Variants in ARHGAP29 observed in about 807,000 individuals in gnomAD.
The protein encoded by ARHGAP29 is rho GTPase-activating protein 29.
ARHGAP29 carries 43 observed loss-of-function variants against 122.6 expected under a neutral mutation model. The observed-to-expected ratio is 0.35, with a 90% CI of 0.27 to 0.45. The LOEUF is 0.45. ARHGAP29 is among the 20% of genes least tolerant of loss of function. The probability of loss-of-function intolerance (pLI) is 1.00; values close to 1 mark genes in which losing one functional copy is unlikely to be tolerated. For missense variants in ARHGAP29, 1,303 were observed against 1,477.2 expected (o/e 0.88, Z 1.93); for synonymous variants, 506 against 497.1 (o/e 1.02, Z -0.24).
the ARHGAP29 span, among the ~76,000 whole-genome samples, chr1:94,290,235 A>G: frequency 6.6e-6 from 1 of 152,120 alleles, no homozygotes; most frequent in South Asian, 2.1e-4. Context: ...TTATTCTCTG[A>G]TGGTAGTTTG....
chr1:94,252,803 G>A (rs926232715), intron 1 of ARHGAP29, among the ~76,000 whole-genome samples: 1 of 150,710 alleles, frequency 6.6e-6, no homozygotes, highest in African/African-American at 2.4e-5. Flanking sequence ...TTCTTTCATC[G>A]ATTCACCAAA....
At chr1:94,298,202 G>A in the ARHGAP29 span, among the ~76,000 whole-genome samples, 42 of 152,046 alleles carry the variant, frequency 2.8e-4, no homozygotes, top group African/African-American at 8.5e-4. Flanking sequence ...ACTTATGTAC[G>A]TATACTTTAG....
chr1:94,224,014 G>T (rs1652477728), intron 2 of ARHGAP29, among the ~76,000 whole-genome samples: 1 of 151,984 alleles, frequency 6.6e-6, no homozygotes. Flanking sequence ...TCACTATGTT[G>T]GTCAGGCTGG....
intron 1 of ARHGAP29, chr1:94,247,814 C>A (rs1444186359): frequency 1.1e-5 from 3 of 279,214 alleles, no homozygotes; most frequent in Admixed American, 6.5e-5. Context: ...GGCCCGCGCT[C>A]CCGGGGGGCG....
Position 94,189,228 on chromosome 1 carries a change from C to A in ARHGAP29, c.1564G>T (p.Ala522Ser). The A allele has an allele frequency of 6.2e-7, 1 of 1,609,940 alleles. No individual in the cohort carries two copies. The highest frequency in any genetic ancestry group is 8.5e-7 in the Non-Finnish European group (1 of 1,178,718). ...GGTGGAAAACTACCTGTTATATCTGCACTGTTAGAGCATCTGTCCTCTTCA... is the reference window on the plus strand; with the variant it reads ...GGTGGAAAACTACCTGTTATATCTGAACTGTTAGAGCATCTGTCCTCTTCA... The part of the protein sequence containing the change: ...KIEEDRCSNS[A>S]DITGPSFIRS... The change falls in exon 14 of 23, where the codon GCA becomes TCA. Residue 522 changes from alanine (A) to serine (S), a missense_variant. By Grantham distance (99) the Ala-to-Ser change is moderately conservative. Around this residue, in one of 3 missense-constraint regions of ARHGAP29, gnomAD observed 592 missense variants for 648.2 expected, o/e 0.91. Coordinates refer to ENST00000260526, the MANE Select transcript of ARHGAP29 (RefSeq NM_004815.4).
chr1:94,285,002 T>C, the ARHGAP29 span, among the ~76,000 whole-genome samples: 1 of 152,226 alleles, frequency 6.6e-6, no homozygotes, highest in Non-Finnish European at 1.5e-5. Context: ...AATGAAGGCT[T>C]AGAGTGCATT....
At chr1:94,259,338 A>G (rs564292229) in intron 1 of ARHGAP29, among the ~76,000 whole-genome samples, 3 of 152,242 alleles carry the variant, frequency 2.0e-5, no homozygotes, top group Admixed American at 1.3e-4. Flanking sequence ...TAGGAAAAGC[A>G]TAGAATTTTT....
chr1:94,236,221 G>A (rs1653247845), intron 1 of ARHGAP29, among the ~76,000 whole-genome samples: 1 of 152,272 alleles, frequency 6.6e-6, no homozygotes, highest in South Asian at 2.1e-4. Flanking sequence ...TTTAAAGGAA[G>A]GCATGCAATA....
intron 15 of ARHGAP29, 147 bp from the exon 16 acceptor site, chr1:94,186,744 A>G (rs1649828684): frequency 1.2e-5 from 7 of 603,826 alleles, no homozygotes; most frequent in Non-Finnish European, 2.0e-5. Context: ...TCTGGGTAAC[A>G]GGGAATTTTG....
chr1:94,309,757 G>A, the ARHGAP29 span, among the ~76,000 whole-genome samples: 1 of 152,202 alleles, frequency 6.6e-6, no homozygotes, highest in African/African-American at 2.4e-5. Context: ...AGACATGAGA[G>A]TCAATTCCTC....
chr1:94,240,248 G>A (rs1414650987), upstream of ARHGAP29, among the ~76,000 whole-genome samples: 1 of 152,148 alleles, frequency 6.6e-6, no homozygotes, highest in Admixed American at 6.5e-5. Flanking sequence ...TAAACTATAA[G>A]TAAGGTTGTC....
At chr1:94,220,175 G>T in intron 3 of ARHGAP29, 83 bp downstream of exon 3, 1 of 1,423,316 alleles carries the variant, frequency 7.0e-7, no homozygotes. Context: ...GAGAGGAATT[G>T]GCTATATATT....
chr1:94,278,277 G>A (rs987937097), upstream of ARHGAP29, among the ~76,000 whole-genome samples: 2 of 152,038 alleles, frequency 1.3e-5, no homozygotes, highest in Admixed American at 6.6e-5. Context: ...TATGATCATG[G>A]CGCCGCATTC....
chr1:94,182,297 TAGAGA>T (rs920837834), intron 19 of ARHGAP29, among the ~76,000 whole-genome samples: 8 of 151,336 alleles, frequency 5.3e-5, no homozygotes, highest in African/African-American at 1.9e-4. Flanking sequence ...AAATGAATGA[TAGAGA>T]AAAGATAAGG....
intron 12 of ARHGAP29, 191 bp from the exon 13 acceptor site, chr1:94,190,274 T>G: frequency 1.9e-6 from 1 of 537,164 alleles, no homozygotes; most frequent in Non-Finnish European, 3.0e-6. Context: ...AGTTTGAATC[T>G]AATATCTAGG....
At chr1:94,183,664 G>A (rs543502767) in intron 19 of ARHGAP29, among the ~76,000 whole-genome samples, 25 of 152,214 alleles carry the variant, frequency 1.6e-4, no homozygotes, top group Non-Finnish European at 3.1e-4. Context: ...AAATATCAAC[G>A]AAGGCAAAGC....
the ARHGAP29 span, among the ~76,000 whole-genome samples, chr1:94,294,416 G>C: frequency 6.6e-6 from 1 of 152,092 alleles, no homozygotes; most frequent in Non-Finnish European, 1.5e-5. Flanking sequence ...TGAAGTAGCT[G>C]GGACTACAGG....
At chr1:94,177,555 T>A (rs748794113) in intron 22 of ARHGAP29, 57 bp downstream of exon 22, 3 of 1,389,556 alleles carry the variant, frequency 2.2e-6, no homozygotes, top group Non-Finnish European at 3.0e-6. Flanking sequence ...TTAATCACGG[T>A]TCTACTGGTA....
intron 22 of ARHGAP29, 25 bp downstream of exon 22, chr1:94,177,587 A>T: frequency 8.3e-6 from 11 of 1,332,242 alleles, no homozygotes; most frequent in East Asian, 2.7e-5. Flanking sequence ...CAGCAAACAT[A>T]TTTTTTTTTT....
Sources: gnomAD v4.1 joint callset for allele counts (sites outside exome capture counted in the v4.1 genomes callset) on GRCh38, gnomAD v4.1.1 for gene constraint, gnomAD v4.1.1 regional missense constraint, MANE v1.5 for transcripts, NCBI Gene and HGNC (gene_info 2026-07-23, HGNC 2026-07-21) for gene names.